TAFA2: variants seen among roughly 807,000 people sequenced by gnomAD.
TAFA2 encodes TAFA chemokine like family member 2, also known as chemokine-like protein TAFA-2.
Under a neutral mutation model 18.8 loss-of-function variants are expected in TAFA2, and 7 were observed. The observed-to-expected ratio is 0.37, with a 90% CI of 0.21 to 0.70. The LOEUF is 0.70. Among genes scored for constraint, TAFA2 ranks in the 30% least tolerant of loss-of-function variants. TAFA2 has a pLI of 0.53. For synonymous variants in TAFA2, 60 were observed against 54.2 expected, an observed-to-expected ratio of 1.11 and a Z score of -0.47; for missense variants, 122 against 158.1, an observed-to-expected ratio of 0.77 and a Z score of 1.23.
At chr12:61,778,264 C>T (rs183907470) in intron 2 of TAFA2, among the ~76,000 whole-genome samples, 293 of 151,914 alleles carry the variant, frequency 1.9e-3, no homozygotes, top group Non-Finnish European at 2.6e-3. Flanking sequence ...TGTACTATCT[C>T]TCGAGCCTAA....
intron 1 of TAFA2, among the ~76,000 whole-genome samples, chr12:62,107,037 G>A (rs888299448): frequency 1.3e-5 from 2 of 152,030 alleles, no homozygotes; most frequent in East Asian, 1.9e-4. Flanking sequence ...TGTTCCTCAC[G>A]CAGAGTTTTG....
chr12:62,107,928 T>C (rs1212613352), intron 1 of TAFA2, among the ~76,000 whole-genome samples: 1 of 152,184 alleles, frequency 6.6e-6, no homozygotes, highest in Non-Finnish European at 1.5e-5. Flanking sequence ...AAGAATTTAA[T>C]TGTTTCATTT....
intron 1 of TAFA2, among the ~76,000 whole-genome samples, chr12:62,231,845 A>C (rs1274697043): frequency 4.6e-5 from 7 of 152,198 alleles, no homozygotes; most frequent in Non-Finnish European, 1.0e-4. Flanking sequence ...TGGGGAACTC[A>C]AAGCTTTAAA....
At chr12:62,253,260 T>C (rs1250645817) in intron 1 of TAFA2, 1 of 152,238 alleles carries the variant, frequency 6.6e-6, no homozygotes, top group Admixed American at 6.5e-5. Context: ...CCTTTATGGT[T>C]GGTGTTCACT....
intron 1 of TAFA2, among the ~76,000 whole-genome samples, chr12:62,031,088 T>C (rs1032909097): frequency 1.3e-5 from 2 of 152,160 alleles, no homozygotes; most frequent in African/African-American, 4.8e-5. Flanking sequence ...AAAGGAGTCG[T>C]GGACTGTGTG....
At chr12:61,804,517 A>G (rs1319282721) in intron 2 of TAFA2, among the ~76,000 whole-genome samples, 1 of 151,996 alleles carries the variant, frequency 6.6e-6, no homozygotes, top group African/African-American at 2.4e-5. Flanking sequence ...TGCACCCAGG[A>G]AATGGATTAG....
intron 1 of TAFA2, among the ~76,000 whole-genome samples, chr12:62,230,318 C>T (rs574207097): frequency 2.6e-5 from 4 of 151,888 alleles, no homozygotes; most frequent in South Asian, 2.1e-4. Flanking sequence ...TATCTGAAAT[C>T]GTTCTATGTT....
chr12:61,785,357 GTGTT>G (rs1286681138), intron 2 of TAFA2, among the ~76,000 whole-genome samples: 9 of 146,142 alleles, frequency 6.2e-5, no homozygotes, highest in South Asian at 4.3e-4. Flanking sequence ...GTGTGTGTGT[GTGTT>G]TGTGTGTGTG....
Position 61,892,658 on chromosome 12 carries a change from A to G in TAFA2, c.-1-25232T>C, listed in dbSNP as rs574474380. Reference sequence around the variant, plus strand: ...TTGAGACCAGCCTGGCCAACATGGAAAAACTCCGTCTCTACTAAAAATACA... The same window carrying G: ...TTGAGACCAGCCTGGCCAACATGGAGAAACTCCGTCTCTACTAAAAATACA... On this transcript the variant is annotated intron_variant, in intron 1 of 4. Coordinates refer to ENST00000416284, the MANE Select transcript of TAFA2 (RefSeq NM_178539.5). Among the ~76,000 whole-genome samples, 8 of 152,210 alleles carry G rather than the reference A, an allele frequency of 5.3e-5. No individual in the cohort carries two copies. In the East Asian group the frequency reaches 1.6e-3, roughly 30 times the overall value.
chr12:61,737,569 T>C (rs1463186256), intron 4 of TAFA2, among the ~76,000 whole-genome samples: 1 of 151,728 alleles, frequency 6.6e-6, no homozygotes, highest in Non-Finnish European at 1.5e-5. Context: ...TTATTAATTG[T>C]GTGGCCCTGT....
chr12:61,915,136 G>A (rs769098412), intron 1 of TAFA2, among the ~76,000 whole-genome samples: 10 of 152,108 alleles, frequency 6.6e-5, no homozygotes, highest in South Asian at 2.1e-4. Context: ...TCTCCAGCCC[G>A]GGCAACAGAG....
At chr12:61,975,683 T>C (rs1375658484) in intron 1 of TAFA2, among the ~76,000 whole-genome samples, 5 of 151,812 alleles carry the variant, frequency 3.3e-5, no homozygotes, top group Admixed American at 2.0e-4. Context: ...CAATTCTACT[T>C]ATTGTAATCT....
At chr12:61,957,332 T>C (rs1438371308) in intron 1 of TAFA2, among the ~76,000 whole-genome samples, 3 of 152,082 alleles carry the variant, frequency 2.0e-5, no homozygotes, top group Non-Finnish European at 4.4e-5. Flanking sequence ...TTCATGACTA[T>C]TGCAATATAG....
intron 4 of TAFA2, among the ~76,000 whole-genome samples, chr12:61,727,361 T>A (rs1870216799): frequency 6.6e-6 from 1 of 151,272 alleles, no homozygotes; most frequent in South Asian, 2.1e-4. Flanking sequence ...CCTTTTTTTT[T>A]TGACAATTTT....
intron 1 of TAFA2, among the ~76,000 whole-genome samples, chr12:61,947,466 T>G (rs918505241): frequency 2.0e-5 from 3 of 149,896 alleles, no homozygotes; most frequent in Non-Finnish European, 2.9e-5. Flanking sequence ...ATTTAAAAAA[T>G]AAATAAATAA....
chr12:61,729,177 A>C (rs1203581440), intron 4 of TAFA2, among the ~76,000 whole-genome samples: 3 of 152,082 alleles, frequency 2.0e-5, no homozygotes, highest in African/African-American at 7.2e-5. Context: ...TTTCATCTTG[A>C]TTTTAGATAA....
At chr12:62,081,668 A>G (rs1868326843) in intron 1 of TAFA2, among the ~76,000 whole-genome samples, 1 of 152,022 alleles carries the variant, frequency 6.6e-6, no homozygotes, top group Non-Finnish European at 1.5e-5. Flanking sequence ...TATTTTTAGT[A>G]GAGACGGGGT....
intron 2 of TAFA2, among the ~76,000 whole-genome samples, chr12:61,765,898 G>C (rs1869769112): frequency 6.6e-6 from 1 of 152,028 alleles, no homozygotes; most frequent in Non-Finnish European, 1.5e-5. Context: ...CACAGAGCTA[G>C]AGAGGAGGAG....
chr12:62,118,918 T>C (rs564493386), intron 1 of TAFA2, among the ~76,000 whole-genome samples: 1 of 152,178 alleles, frequency 6.6e-6, no homozygotes, highest in African/African-American at 2.4e-5. Context: ...ATCTCTTTAA[T>C]GAACTAAAGC....
Sources: gnomAD v4.1 joint callset for allele counts (sites outside exome capture counted in the v4.1 genomes callset) on GRCh38, gnomAD v4.1.1 for gene constraint, MANE v1.5 for transcripts, NCBI Gene and HGNC (gene_info 2026-07-23, HGNC 2026-07-21) for gene names.